The following RIMS1 variants were observed in gnomAD, a reference collection of about 807,000 sequenced individuals.
RIMS1 encodes regulating synaptic membrane exocytosis protein 1.
RIMS1 carries 83 observed loss-of-function variants against 214.1 expected under a neutral mutation model. That is an observed-to-expected ratio of 0.39 (90% CI 0.32 to 0.47). The LOEUF (loss-of-function observed/expected upper bound fraction) is 0.47, where lower values mean the gene tolerates loss of function less well. RIMS1 is among the 20% of genes least tolerant of loss of function. The pLI, the probability that RIMS1 is intolerant of heterozygous loss-of-function variation, is 0.99. For missense variants in RIMS1, 2,050 were observed against 2,161.8 expected (o/e 0.95, Z 1.03); for synonymous variants, 793 against 786.8 (o/e 1.01, Z -0.13).
At chr6:72,196,403 CTA>C (rs2050925857) in intron 6 of RIMS1, among the ~76,000 whole-genome samples, 1 of 151,672 alleles carries the variant, frequency 6.6e-6, no homozygotes, top group South Asian at 2.1e-4. Context: ...ATCTATCTAT[CTA>C]TCTATCTATC....
intron 1 of RIMS1, among the ~76,000 whole-genome samples, chr6:71,942,526 T>TA (rs1485150923): frequency 6.6e-6 from 1 of 152,212 alleles, no homozygotes; most frequent in Non-Finnish European, 1.5e-5. Context: ...CAGCATATTT[T>TA]ATGTACATTA....
chr6:71,961,914 G>A (rs1793061207), intron 1 of RIMS1, among the ~76,000 whole-genome samples: 1 of 152,116 alleles, frequency 6.6e-6, no homozygotes, highest in Non-Finnish European at 1.5e-5. Flanking sequence ...AAGCAAATGG[G>A]AGAATGAATA....
intron 28 of RIMS1, among the ~76,000 whole-genome samples, chr6:72,318,352 A>G (rs2095938049): frequency 1.3e-5 from 2 of 151,556 alleles, no homozygotes; most frequent in East Asian, 3.9e-4. Flanking sequence ...GAAATTATGC[A>G]GTTTCTGTGA....
At chr6:71,914,726 T>C (rs1777838760) in intron 1 of RIMS1, among the ~76,000 whole-genome samples, 1 of 152,164 alleles carries the variant, frequency 6.6e-6, no homozygotes, top group Non-Finnish European at 1.5e-5. Context: ...GGCTTTGAGA[T>C]CTATCTGAGG....
chr6:71,979,772 T>C (rs1798051454), intron 2 of RIMS1, among the ~76,000 whole-genome samples: 1 of 152,086 alleles, frequency 6.6e-6, no homozygotes, highest in Non-Finnish European at 1.5e-5. Context: ...TGCTCCTTAC[T>C]ATGCATGAGT....
chr6:72,202,955 T>C (rs1370479246), intron 6 of RIMS1, among the ~76,000 whole-genome samples: 1 of 152,186 alleles, frequency 6.6e-6, no homozygotes, highest in Non-Finnish European at 1.5e-5. Context: ...ACCTGATACA[T>C]AGCAAGTACT....
intron 28 of RIMS1, among the ~76,000 whole-genome samples, chr6:72,323,494 G>A (rs967676840): frequency 5.3e-5 from 8 of 151,660 alleles, no homozygotes; most frequent in Non-Finnish European, 7.4e-5. Flanking sequence ...ATGAGAAACA[G>A]TAAAACCAAG....
chr6:72,275,726 C>A (rs1000965969), intron 23 of RIMS1, among the ~76,000 whole-genome samples: 1 of 151,988 alleles, frequency 6.6e-6, no homozygotes, highest in Non-Finnish European at 1.5e-5. Context: ...AATGTAGAGT[C>A]TTCTCAAAAA....
At chr6:72,202,738 G>T (rs1337361633) in intron 6 of RIMS1, among the ~76,000 whole-genome samples, 1 of 152,184 alleles carries the variant, frequency 6.6e-6, no homozygotes, top group Non-Finnish European at 1.5e-5. Flanking sequence ...TTATTGAGCA[G>T]TTGCTTTATG....
intron 4 of RIMS1, among the ~76,000 whole-genome samples, chr6:72,108,001 GTTTT>G (rs1407517992): frequency 1.4e-5 from 2 of 143,570 alleles, no homozygotes; most frequent in Admixed American, 7.0e-5. Flanking sequence ...TTGTTTGTTT[GTTTT>G]GTTTTGTTTT....
chr6:72,395,565 G>A (rs1233740276), intron 31 of RIMS1, among the ~76,000 whole-genome samples: 1 of 151,988 alleles, frequency 6.6e-6, no homozygotes, highest in African/African-American at 2.4e-5. Flanking sequence ...TGGTTAATTG[G>A]AGGACAGAGC....
Position 72,333,854 on chromosome 6 carries a change from A to G in RIMS1, c.4366+19A>G. 1 of 1,504,548 alleles carries G rather than the reference A, an allele frequency of 6.6e-7. No homozygotes were observed. Among genetic ancestry groups the G allele is most frequent in the East Asian group, 2.4e-5 (1 of 41,100 alleles). The allele number at this position is 1,504,548 out of a possible 1,614,324, so 93.2% of individuals were successfully genotyped here. A position where few individuals can be genotyped will look rare whatever the true frequency, so the allele number is the denominator to read the frequency against. ...CAAACAGGTGAGTGATGTGAATTCA[A>G]CCTAAACAACTCAATTCTTTTATGG... On this transcript the variant is annotated intron_variant, in intron 29 of 33. Coordinates refer to ENST00000521978, the MANE Select transcript of RIMS1 (RefSeq NM_014989.7).
intron 1 of RIMS1, among the ~76,000 whole-genome samples, chr6:71,957,712 A>C (rs1476816594): frequency 6.6e-6 from 1 of 150,612 alleles, no homozygotes; most frequent in Admixed American, 6.6e-5. Flanking sequence ...CAAGAACACT[A>C]AATGACATGA....
chr6:72,292,313 A>G (rs991514176), intron 26 of RIMS1, among the ~76,000 whole-genome samples: 1 of 152,144 alleles, frequency 6.6e-6, no homozygotes, highest in Non-Finnish European at 1.5e-5. Context: ...ATCTTATTCC[A>G]AAGTGACAAA....
intron 2 of RIMS1, among the ~76,000 whole-genome samples, chr6:72,068,332 T>C (rs1829806333): frequency 6.7e-6 from 1 of 149,450 alleles, no homozygotes; most frequent in African/African-American, 2.4e-5. Flanking sequence ...GTAATTATTA[T>C]GCAAAACAAT....
At chr6:72,121,630 T>C (rs1274490369) in intron 4 of RIMS1, among the ~76,000 whole-genome samples, 3 of 151,910 alleles carry the variant, frequency 2.0e-5, no homozygotes, top group African/African-American at 7.2e-5. Context: ...TTTTCCTAAT[T>C]GAATACCCTT....
Position 72,123,997 on chromosome 6 carries a change from G to T in RIMS1, c.471+24011G>T, listed in dbSNP as rs575112208. 3.3e-5 allele frequency among the ~76,000 whole-genome samples: 5 copies of T among 151,930 alleles called. No individual in the cohort carries two copies. In the South Asian group the frequency reaches 8.3e-4, roughly 25 times the overall value. On this transcript the variant is annotated intron_variant, in intron 4 of 33. Transcript: ENST00000521978. ...ATTTAAGGTTAATATTGTTATGTGT[G>T]AATTTGATCCTGTCATTATGATGTT...
intron 1 of RIMS1, among the ~76,000 whole-genome samples, chr6:71,941,476 G>A (rs1334481038): frequency 6.6e-6 from 1 of 151,888 alleles, no homozygotes; most frequent in African/African-American, 2.4e-5. Flanking sequence ...TTCTTTACTT[G>A]TCCCTCATTT....
chr6:71,915,498 C>T (rs1778107268), intron 1 of RIMS1, among the ~76,000 whole-genome samples: 1 of 152,088 alleles, frequency 6.6e-6, no homozygotes, highest in Non-Finnish European at 1.5e-5. Flanking sequence ...ATCTTTTTCA[C>T]TTGAGAACAC....
Sources: gnomAD v4.1 joint callset for allele counts (sites outside exome capture counted in the v4.1 genomes callset) on GRCh38, gnomAD v4.1.1 for gene constraint, MANE v1.5 for transcripts, NCBI Gene and HGNC (gene_info 2026-07-23, HGNC 2026-07-21) for gene names.